Variants in ZAN observed in about 807,000 individuals in gnomAD.
ZAN encodes zonadhesin (gene/pseudogene).
ZAN carries 260 observed loss-of-function variants against 286.2 expected under a neutral mutation model. The observed-to-expected ratio is 0.91, with a 90% CI of 0.82 to 1.01. The LOEUF (loss-of-function observed/expected upper bound fraction) is 1.01, where lower values mean the gene tolerates loss of function less well. ZAN is among the 50% of genes least tolerant of loss of function. ZAN has a pLI of 0.00. For synonymous variants in ZAN, 1,368 were observed against 1,417.5 expected (o/e 0.97, Z 0.79); for missense variants, 3,410 against 3,639.2 (o/e 0.94, Z 1.62).
At chr7:100,797,335 C>A (rs368597138) in intron 45 of ZAN, 31 bp from the exon 46 acceptor site, 1 of 1,607,116 alleles carries the variant, frequency 6.2e-7, no homozygotes, top group Non-Finnish European at 8.5e-7. Context: ...GTCTCACGTT[C>A]GACCTAATGT....
At chr7:100,766,429 C>T (rs1809975469) in intron 23 of ZAN, 96 bp from the exon 24 acceptor site, 6 of 1,420,494 alleles carry the variant, frequency 4.2e-6, no homozygotes, top group Non-Finnish European at 5.6e-6. Context: ...AGCCAGTGAT[C>T]TGAACAGCTC....
intron 11 of ZAN, among the ~76,000 whole-genome samples, chr7:100,749,418 A>G (rs1808455555): frequency 6.6e-6 from 1 of 151,804 alleles, no homozygotes; most frequent in Non-Finnish European, 1.5e-5. Flanking sequence ...AGGAGGGCGG[A>G]TCACAAGGTC....
At chr7:100,754,454 G>T (rs999492243) in intron 14 of ZAN, among the ~76,000 whole-genome samples, 5 of 151,780 alleles carry the variant, frequency 3.3e-5, no homozygotes, top group Non-Finnish European at 5.9e-5. Context: ...GTGAGACTCC[G>T]TCTCAAAAAA....
chr7:100,778,078 A>G (rs943951639), intron 34 of ZAN, among the ~76,000 whole-genome samples: 3 of 152,050 alleles, frequency 2.0e-5, no homozygotes, highest in Admixed American at 6.6e-5. Flanking sequence ...AGACTGGAGG[A>G]TCACTTGAGG....
At chr7:100,782,473 C>A (rs1385645253) in intron 35 of ZAN, among the ~76,000 whole-genome samples, 1 of 152,020 alleles carries the variant, frequency 6.6e-6, no homozygotes, top group African/African-American at 2.4e-5. Context: ...GGATTACAGG[C>A]ACCCACCACC....
intron 30 of ZAN, 99 bp downstream of exon 30, chr7:100,773,592 A>AG: frequency 6.5e-7 from 1 of 1,548,124 alleles, no homozygotes. Context: ...AGAACCTGGG[A>AG]GGGGCAGGGC....
intron 35 of ZAN, among the ~76,000 whole-genome samples, chr7:100,780,983 G>A (rs775000636): frequency 6.6e-6 from 1 of 151,988 alleles, no homozygotes; most frequent in African/African-American, 2.4e-5. Flanking sequence ...TGCTTTTGGA[G>A]TTTTGCCAAT....
At chr7:100,782,070 T>C (rs1009286726) in intron 35 of ZAN, among the ~76,000 whole-genome samples, 1 of 152,326 alleles carries the variant, frequency 6.6e-6, no homozygotes, top group Non-Finnish European at 1.5e-5. Flanking sequence ...CATTTTTCCA[T>C]TGAGTCGTTG....
chr7:100,777,647 C>T (rs1449766159), intron 34 of ZAN, among the ~76,000 whole-genome samples: 1 of 152,150 alleles, frequency 6.6e-6, no homozygotes. Flanking sequence ...CAGGCATGAG[C>T]CACTGTGCCT....
At chr7:100,766,726 T>A in intron 24 of ZAN, 60 bp downstream of exon 24, 4 of 1,530,506 alleles carry the variant, frequency 2.6e-6, no homozygotes, top group Non-Finnish European at 3.5e-6. Context: ...GGCAAGGTGA[T>A]GGGTCCTGCC....
intron 40 of ZAN, among the ~76,000 whole-genome samples, chr7:100,791,432 C>G (rs570349718): frequency 1.3e-5 from 2 of 151,992 alleles, no homozygotes; most frequent in South Asian, 4.2e-4. Flanking sequence ...CCTCCTACTT[C>G]TTCTTCCTCT....
At chr7:100,751,331 T>C in intron 13 of ZAN, 65 bp downstream of exon 13, 1 of 1,212,982 alleles carries the variant, frequency 8.2e-7, no homozygotes, top group Non-Finnish European at 1.1e-6. Flanking sequence ...GTTCTCTCTA[T>C]GAACTGCTTA....
rs760572648 is a variant in ZAN at position 100,779,743 on chromosome 7, C to T, written c.6615C>T (p.Ser2205=). ...GLKPPLWRNS[S]FCPLECPAYS... ...AGCCCCCACTCTGGAGAAACAGCAG[C>T]TTCTGCCGTGAGTGTGCCCTGCTGT... Residue 2205 remains serine, a synonymous_variant, in exon 35 of 48, where the codon AGC becomes AGT. Transcript: ENST00000613979. 2.3e-5 allele frequency: 36 copies of T among 1,551,622 alleles called. No homozygotes were observed. Among genetic ancestry groups the T allele is most frequent in the Middle Eastern group, 2.0e-4 (1 of 4,988 alleles).
At chr7:100,768,540 G>C in intron 26 of ZAN, 70 bp from the exon 27 acceptor site, 2 of 1,294,240 alleles carry the variant, frequency 1.5e-6, no homozygotes, top group Non-Finnish European at 2.1e-6. Context: ...GGTGCCAGGA[G>C]GATGGTGGCC....
chr7:100,755,762 G>A (rs1809103393), intron 15 of ZAN, among the ~76,000 whole-genome samples: 1 of 152,124 alleles, frequency 6.6e-6, no homozygotes, highest in Non-Finnish European at 1.5e-5. Flanking sequence ...GGTAGAGACA[G>A]GGTTTCACCA....
chr7:100,797,316 AC>A, intron 45 of ZAN, 49 bp from the exon 46 acceptor site: 3 of 1,576,112 alleles, frequency 1.9e-6, no homozygotes, highest in Non-Finnish European at 2.6e-6. Context: ...CTCAGTCCCC[AC>A]CCTTCCCGTC....
chr7:100,776,095 C>T (rs959573190), intron 33 of ZAN, among the ~76,000 whole-genome samples: 3 of 151,936 alleles, frequency 2.0e-5, no homozygotes, highest in African/African-American at 7.2e-5. Context: ...AGGTGGGTCA[C>T]CTGAGGTCAG....
At position 100,750,721 on chromosome 7, in the gene ZAN, G is replaced by A; in HGVS notation, c.1346G>A (p.Cys449Tyr). 1 of 1,613,128 alleles carries A rather than the reference G, an allele frequency of 6.2e-7. No homozygotes were observed. The highest frequency in any genetic ancestry group is 8.5e-7 in the Non-Finnish European group (1 of 1,179,618). The change falls in exon 12 of 48, where the codon TGC (cysteine) becomes TAC (tyrosine). Residue 449 changes from cysteine to tyrosine, a missense_variant. Physicochemically the swap from Cys to Tyr is radical, Grantham distance 194. Transcript: ENST00000613979. ...SRPFCAPGDICVEFAYHMYGL... is the reference protein window; with the variant it reads ...SRPFCAPGDIYVEFAYHMYGL... Reference sequence around the variant, plus strand: ...CCCTTCTGCGCCCCAGGTGACATCTGCGTGGAGTTCGCATACCACATGTAT... The same window carrying A: ...CCCTTCTGCGCCCCAGGTGACATCTACGTGGAGTTCGCATACCACATGTAT...
intron 19 of ZAN, 58 bp from the exon 20 acceptor site, chr7:100,762,157 C>A: frequency 6.2e-7 from 1 of 1,604,164 alleles, no homozygotes; most frequent in Non-Finnish European, 8.5e-7. Flanking sequence ...TGCCACTGCC[C>A]CTCGAGGACC....
Sources: allele counts gnomAD v4.1 joint callset (sites outside exome capture counted in the v4.1 genomes callset), GRCh38; gene constraint gnomAD v4.1.1; transcripts MANE v1.5; gene names NCBI Gene and HGNC (gene_info 2026-07-23, HGNC 2026-07-21).